Variants in LSM14A observed in about 807,000 individuals in gnomAD.
LSM14A encodes the protein LSM14A mRNA processing body assembly factor.
LSM14A carries 14 observed loss-of-function variants against 52.4 expected under a neutral mutation model. The observed-to-expected ratio is 0.27, with a 90% CI of 0.18 to 0.42. The LOEUF is 0.42. Among genes scored for constraint, LSM14A ranks in the 10% least tolerant of loss-of-function variants. LSM14A has a pLI of 1.00. For missense variants in LSM14A, 417 were observed against 581.8 expected (o/e 0.72, Z 2.91); for synonymous variants, 185 against 200.3 (o/e 0.92, Z 0.64).
chr19:34,190,198 G>A (rs1199148921), intron 1 of LSM14A, among the ~76,000 whole-genome samples: 1 of 151,950 alleles, frequency 6.6e-6, no homozygotes, highest in Non-Finnish European at 1.5e-5. Context: ...TTCTAGCCAC[G>A]TGTGCCCTTC....
chr19:34,197,293 G>C (rs573933013), intron 3 of LSM14A, among the ~76,000 whole-genome samples: 1 of 152,176 alleles, frequency 6.6e-6, no homozygotes, highest in South Asian at 2.1e-4. Flanking sequence ...GTTTCACTGT[G>C]TTGGCCAGGC....
rs1039353674 is a variant in LSM14A at position 34,228,752 on chromosome 19, C to CTT, written c.*1366_*1367dup. ...TCTAATATTTTGATTGTTTTCTTAA[C>CTT]TTTCTCCTTAAAACATTCAGTAGTG... On this transcript the variant is annotated 3_prime_UTR_variant, in exon 10 of 10. Transcript: ENST00000544216. 4 of 152,588 alleles carry CTT rather than the reference C, an allele frequency of 2.6e-5. No individual in the cohort carries two copies. Among genetic ancestry groups the CTT allele is most frequent in the African/African-American group, 9.7e-5 (4 of 41,436 alleles). 9.5% of individuals were successfully genotyped at this position (152,588 alleles called of 1,614,324 possible).
At chr19:34,180,316 G>GT (rs1285434065) in intron 1 of LSM14A, among the ~76,000 whole-genome samples, 1 of 152,108 alleles carries the variant, frequency 6.6e-6, no homozygotes, top group Middle Eastern at 3.4e-3. Context: ...TTGTTTGTTT[G>GT]TTTTTTTCTG....
At chr19:34,193,997 C>T (rs2070657220) in intron 1 of LSM14A, among the ~76,000 whole-genome samples, 1 of 152,078 alleles carries the variant, frequency 6.6e-6, no homozygotes, top group African/African-American at 2.4e-5. Context: ...ATAGCAAGAC[C>T]TCATCTCTAC....
intron 3 of LSM14A, among the ~76,000 whole-genome samples, chr19:34,204,835 A>G (rs778653150): frequency 2.0e-5 from 3 of 152,234 alleles, no homozygotes; most frequent in Non-Finnish European, 4.4e-5. Context: ...CATGTATTAG[A>G]AAACAAGAAT....
chr19:34,226,296 G>A (rs2073333815), intron 9 of LSM14A: 2 of 1,092,338 alleles, frequency 1.8e-6, no homozygotes, highest in Admixed American at 5.7e-5. Context: ...CAAGGTGTCT[G>A]AATGACTCAG....
chr19:34,194,005 T>C (rs926926868), intron 1 of LSM14A, among the ~76,000 whole-genome samples: 3 of 152,106 alleles, frequency 2.0e-5, no homozygotes, highest in African/African-American at 7.2e-5. Flanking sequence ...ACCTCATCTC[T>C]ACTAAAAAAT....
chr19:34,192,632 C>CAAAAAAAAAAAAAAAAAAAAAAAAA (rs548374017), intron 1 of LSM14A, among the ~76,000 whole-genome samples: 1 of 76,952 alleles, frequency 1.3e-5, no homozygotes, highest in Non-Finnish European at 2.4e-5. Flanking sequence ...ATCAGTTCTG[C>CAAAAAAAAAAAAAAAAAAAAAAAAA]AAAAAAAAAA....
At chr19:34,182,311 A>C (rs1370648179) in intron 1 of LSM14A, among the ~76,000 whole-genome samples, 2 of 152,146 alleles carry the variant, frequency 1.3e-5, no homozygotes, top group Non-Finnish European at 2.9e-5. Flanking sequence ...TTCCAAATTA[A>C]GAGTCTTTTT....
chr19:34,199,117 A>G (rs576463241), intron 3 of LSM14A, among the ~76,000 whole-genome samples: 16 of 152,074 alleles, frequency 1.1e-4, no homozygotes, highest in Admixed American at 5.2e-4. Flanking sequence ...TATTGGTGTT[A>G]TTATTTATTT....
intron 3 of LSM14A, among the ~76,000 whole-genome samples, chr19:34,204,432 G>GA (rs2071532218): frequency 6.6e-6 from 1 of 152,068 alleles, no homozygotes; most frequent in South Asian, 2.1e-4. Context: ...ATCTAGACCA[G>GA]ATGTGATAGC....
At chr19:34,207,790 A>G (rs540834415) in intron 3 of LSM14A, among the ~76,000 whole-genome samples, 2 of 152,238 alleles carry the variant, frequency 1.3e-5, no homozygotes, top group East Asian at 3.9e-4. Flanking sequence ...CGGCCTCCCA[A>G]AATGCTGGGA....
chr19:34,209,005 T>C lies in LSM14A; in HGVS notation c.492T>C (p.Ser164=). ...GTLPQSSAVG[S]AFTQDTRSLK... is the part of the protein sequence containing the mutation. Reference sequence around the variant, plus strand: ...TACCCCAAAGTAGTGCGGTTGGTTCTGCCTTTACACAGGATACAAGATCTC... The same window carrying C: ...TACCCCAAAGTAGTGCGGTTGGTTCCGCCTTTACACAGGATACAAGATCTC... Residue 164 remains serine, a synonymous_variant, in exon 4 of 10, where the codon TCT becomes TCC. Transcript: ENST00000544216. 1.2e-6 allele frequency: 2 copies of C among 1,611,724 alleles called. No individual in the cohort carries two copies. Among genetic ancestry groups the C allele is most frequent in the Non-Finnish European group, 1.7e-6 (2 of 1,178,378 alleles).
chr19:34,194,919 A>G (rs549577144), intron 2 of LSM14A, among the ~76,000 whole-genome samples: 1 of 152,362 alleles, frequency 6.6e-6, no homozygotes, highest in South Asian at 2.1e-4. Flanking sequence ...AGTGCTGTGC[A>G]TATAAGATAC....
At chr19:34,218,921 G>T (rs1173416695) in intron 6 of LSM14A, among the ~76,000 whole-genome samples, 3 of 152,128 alleles carry the variant, frequency 2.0e-5, no homozygotes, top group Non-Finnish European at 4.4e-5. Flanking sequence ...AATTTGTGCC[G>T]ATTAGTGTTT....
At position 34,229,187 on chromosome 19, in the gene LSM14A, G is replaced by A. The variant is rs1322454064; in HGVS notation, c.*1799G>A. ...TCCGAATCACTGACTGGGGCGTTTTGTGCCCCAGCAATAACTGGCAGCATG... is the reference window on the plus strand; with the variant it reads ...TCCGAATCACTGACTGGGGCGTTTTATGCCCCAGCAATAACTGGCAGCATG... On this transcript the variant is annotated 3_prime_UTR_variant, in exon 10 of 10. Transcript: ENST00000544216. The A allele has an allele frequency of 6.6e-6, 1 of 152,264 alleles. No individual in the cohort carries two copies. Among genetic ancestry groups the A allele is most frequent in the Non-Finnish European group, 1.5e-5 (1 of 68,024 alleles). 9.4% of individuals were successfully genotyped at this position (152,264 alleles called of 1,614,324 possible).
chr19:34,225,755 T>C (rs924255265), intron 9 of LSM14A, among the ~76,000 whole-genome samples: 1 of 152,166 alleles, frequency 6.6e-6, no homozygotes, highest in African/African-American at 2.4e-5. Flanking sequence ...TGTGGCCTGA[T>C]TTTCCTTAAG....
At chr19:34,197,279 T>C (rs1217019051) in intron 3 of LSM14A, among the ~76,000 whole-genome samples, 2 of 151,756 alleles carry the variant, frequency 1.3e-5, no homozygotes, top group Non-Finnish European at 2.9e-5. Context: ...TCAGTAGAGG[T>C]GGAGTTTCAC....
intron 3 of LSM14A, among the ~76,000 whole-genome samples, chr19:34,207,974 T>G (rs528270478): frequency 4.6e-5 from 7 of 152,068 alleles, no homozygotes; most frequent in Non-Finnish European, 8.8e-5. Context: ...AATGAGCAAA[T>G]TGCAAGGGGC....
Sources: gnomAD v4.1 joint callset for allele counts (sites outside exome capture counted in the v4.1 genomes callset) on GRCh38, gnomAD v4.1.1 for gene constraint, MANE v1.5 for transcripts, NCBI Gene and HGNC (gene_info 2026-07-23, HGNC 2026-07-21) for gene names.